The following DACH1 variants were observed in gnomAD, a reference collection of about 807,000 sequenced individuals.
DACH1 encodes the protein dachshund homolog 1.
In DACH1, 12 loss-of-function variants were observed where a neutral mutation model predicts 54.2. The observed-to-expected ratio is 0.22, with a 90% CI of 0.14 to 0.36. DACH1 has a LOEUF of 0.36. Among genes scored for constraint, DACH1 ranks in the 10% least tolerant of loss-of-function variants. The pLI is 1.00. For synonymous variants in DACH1, 386 were observed against 366.2 expected, an observed-to-expected ratio of 1.05 and a Z score of -0.62; for missense variants, 805 against 929.8, an observed-to-expected ratio of 0.87 and a Z score of 1.75.
In DACH1 at chr13:71,700,921, T is replaced by C. The variant is rs7319396; in HGVS notation, c.849-19011A>G. Among the ~76,000 whole-genome samples, 1,148 of 152,346 alleles carry C rather than the reference T, an allele frequency of 7.5e-3. 21 individuals are homozygous for C. Among genetic ancestry groups the C allele is most frequent in the African/African-American group, 0.026 (1,087 of 41,592 alleles). On this transcript the variant is annotated intron_variant, in intron 1 of 10. Transcript: ENST00000613252. ...TTTAATAAGTTAAATGCAAAATCCATGGATTTCTAAATTTTAACTTTAGTG... is the reference window on the plus strand; with the variant it reads ...TTTAATAAGTTAAATGCAAAATCCACGGATTTCTAAATTTTAACTTTAGTG...
intron 6 of DACH1, among the ~76,000 whole-genome samples, chr13:71,537,881 T>C (rs1460845485): frequency 2.0e-5 from 3 of 152,138 alleles, no homozygotes; most frequent in Non-Finnish European, 2.9e-5. Flanking sequence ...TGTAAAACTA[T>C]ATTTGTTGTA....
intron 1 of DACH1, among the ~76,000 whole-genome samples, chr13:71,697,485 C>A (rs943194116): frequency 3.3e-5 from 5 of 152,150 alleles, no homozygotes; most frequent in African/African-American, 1.2e-4. Flanking sequence ...CTTAGCTCTT[C>A]AAAATGATGT....
At chr13:71,510,456 A>G (rs536751804) in intron 6 of DACH1, among the ~76,000 whole-genome samples, 5 of 152,020 alleles carry the variant, frequency 3.3e-5, no homozygotes, top group African/African-American at 1.2e-4. Flanking sequence ...TCCTCCTATC[A>G]TTTTGTTAAT....
chr13:71,750,806 C>T (rs1189780523), intron 1 of DACH1, among the ~76,000 whole-genome samples: 1 of 152,058 alleles, frequency 6.6e-6, no homozygotes, highest in South Asian at 2.1e-4. Context: ...ATGTAGTTCA[C>T]ATAATTAGCT....
At chr13:71,496,707 T>C (rs1008267469) in intron 6 of DACH1, among the ~76,000 whole-genome samples, 1 of 152,064 alleles carries the variant, frequency 6.6e-6, no homozygotes, top group African/African-American at 2.4e-5. Flanking sequence ...CAAGAATATA[T>C]ACAGATAAAA....
chr13:71,623,829 C>T (rs1876434397), intron 3 of DACH1, among the ~76,000 whole-genome samples: 1 of 151,760 alleles, frequency 6.6e-6, no homozygotes, highest in Admixed American at 6.6e-5. Flanking sequence ...GCTCTCTGCT[C>T]CCCTACCTGA....
chr13:71,498,937 C>T (rs1403521154), intron 6 of DACH1, among the ~76,000 whole-genome samples: 1 of 152,024 alleles, frequency 6.6e-6, no homozygotes, highest in African/African-American at 2.4e-5. Flanking sequence ...TTAATATTTC[C>T]AATCTTGGCC....
At position 71,465,130 on chromosome 13, in the gene DACH1, A is replaced by G. The variant is rs114528301; in HGVS notation, c.2083+10011T>C. Among the ~76,000 whole-genome samples, 673 of 152,212 alleles carry G rather than the reference A, an allele frequency of 4.4e-3. 4 individuals carry two copies. Among genetic ancestry groups the G allele is most frequent in the African/African-American group, 0.016 (652 of 41,582 alleles). On this transcript the variant is annotated intron_variant, in intron 10 of 10. Transcript: ENST00000613252. ...ATGCACTATAAGCATTTTTATATTT[A>G]TAGTTTAAATGATTATGTTTTTTTC...
intron 1 of DACH1, among the ~76,000 whole-genome samples, chr13:71,708,235 C>A (rs1243362090): frequency 6.6e-6 from 1 of 151,818 alleles, no homozygotes; most frequent in Non-Finnish European, 1.5e-5. Context: ...AAGCAATCAA[C>A]AAGCAAACCA....
intron 10 of DACH1, among the ~76,000 whole-genome samples, chr13:71,444,602 C>T (rs546771993): frequency 6.6e-6 from 1 of 152,124 alleles, no homozygotes; most frequent in African/African-American, 2.4e-5. Context: ...AGAAAAGCAA[C>T]TAAAGTATTA....
At chr13:71,693,449 CT>C (rs1220691452) in intron 1 of DACH1, among the ~76,000 whole-genome samples, 6 of 149,250 alleles carry the variant, frequency 4.0e-5, no homozygotes, top group Admixed American at 3.3e-4. Context: ...ACTATAGGTG[CT>C]CACCACCACG....
At chr13:71,678,953 C>A (rs899155532) in intron 2 of DACH1, among the ~76,000 whole-genome samples, 7 of 152,196 alleles carry the variant, frequency 4.6e-5, no homozygotes, top group Non-Finnish European at 1.0e-4. Flanking sequence ...AACCCCGGGC[C>A]CAGCCTAACA....
chr13:71,674,179 T>C (rs1880401061), intron 2 of DACH1, among the ~76,000 whole-genome samples: 1 of 152,210 alleles, frequency 6.6e-6, no homozygotes, highest in Non-Finnish European at 1.5e-5. Context: ...CAAAATCTTC[T>C]GTGTGCATAT....
chr13:71,793,748 A>G (rs1446261244), intron 1 of DACH1, among the ~76,000 whole-genome samples: 1 of 152,096 alleles, frequency 6.6e-6, no homozygotes, highest in Non-Finnish European at 1.5e-5. Flanking sequence ...GCTGGTCTCA[A>G]ACTACTGGGT....
At chr13:71,625,781 G>C (rs1272580865) in intron 3 of DACH1, among the ~76,000 whole-genome samples, 1 of 151,960 alleles carries the variant, frequency 6.6e-6, no homozygotes, top group Non-Finnish European at 1.5e-5. Flanking sequence ...ACAATGTTCA[G>C]AAAGAGAAAA....
intron 2 of DACH1, among the ~76,000 whole-genome samples, chr13:71,673,133 G>C (rs1254845732): frequency 6.6e-6 from 1 of 152,072 alleles, no homozygotes; most frequent in African/African-American, 2.4e-5. Context: ...AAATAAATTA[G>C]GGAAGAAAGT....
intron 1 of DACH1, among the ~76,000 whole-genome samples, chr13:71,775,655 G>A (rs2138048026): frequency 6.6e-6 from 1 of 152,146 alleles, no homozygotes; most frequent in Middle Eastern, 3.4e-3. Context: ...AGTTGTCACA[G>A]ACATTCCTTT....
intron 2 of DACH1, among the ~76,000 whole-genome samples, chr13:71,671,249 G>C (rs1880188053): frequency 6.6e-6 from 1 of 151,630 alleles, no homozygotes; most frequent in Non-Finnish European, 1.5e-5. Context: ...AAGAAAGGGA[G>C]AGAGGACAAA....
At chr13:71,508,548 C>A (rs1266668600) in intron 6 of DACH1, among the ~76,000 whole-genome samples, 1 of 151,824 alleles carries the variant, frequency 6.6e-6, no homozygotes, top group African/African-American at 2.4e-5. Context: ...CTCACTGCAG[C>A]CTCAACTTCC....
Sources: allele counts gnomAD v4.1 joint callset (sites outside exome capture counted in the v4.1 genomes callset), GRCh38; gene constraint gnomAD v4.1.1; transcripts MANE v1.5; gene names NCBI Gene and HGNC (gene_info 2026-07-23, HGNC 2026-07-21).